AMN1: variants seen among roughly 807,000 people sequenced by gnomAD.
The protein encoded by AMN1 is protein AMN1 homolog.
In AMN1, 20 loss-of-function variants were observed where a neutral mutation model predicts 33.0. The observed-to-expected ratio is 0.61, with a 90% confidence interval of 0.43 to 0.88. AMN1 has a LOEUF of 0.88. AMN1 is among the 40% of genes least tolerant of loss of function. AMN1 has a pLI of 0.00. For synonymous variants in AMN1, 114 were observed against 111.9 expected (o/e 1.02, Z -0.12); for missense variants, 246 against 307.4 (o/e 0.80, Z 1.49).
intron 6 of AMN1, among the ~76,000 whole-genome samples, chr12:31,688,651 T>TA (rs1938371503): frequency 1.3e-5 from 2 of 151,902 alleles, no homozygotes; most frequent in South Asian, 4.2e-4. Flanking sequence ...CTGCTAAAAA[T>TA]ACAAAAAAAA....
At position 31,728,957 on chromosome 12, in the gene AMN1, C is replaced by T; in HGVS notation, c.38+14G>A. 1 of 1,543,968 alleles carries T rather than the reference C, an allele frequency of 6.5e-7. No homozygotes were observed. The highest frequency in any genetic ancestry group is 8.8e-7 in the Non-Finnish European group (1 of 1,142,114). On this transcript the variant is annotated intron_variant, in intron 1 of 6. Coordinates refer to ENST00000281471, the MANE Select transcript of AMN1 (RefSeq NM_001113402.2). ...TGGGGCGGCGCGAAGGGAGGCGGGACAGGGTAGACTCACAGATCCAGGAGC... is the reference window on the plus strand; with the variant it reads ...TGGGGCGGCGCGAAGGGAGGCGGGATAGGGTAGACTCACAGATCCAGGAGC...
chr12:31,692,784 C>T (rs1022346685), intron 5 of AMN1, among the ~76,000 whole-genome samples: 5 of 151,970 alleles, frequency 3.3e-5, no homozygotes, highest in African/African-American at 1.2e-4. Flanking sequence ...GGATCTAGAA[C>T]AGTAAATGCT....
At chr12:31,689,530 A>G (rs1565767109) in intron 5 of AMN1, among the ~76,000 whole-genome samples, 1 of 152,228 alleles carries the variant, frequency 6.6e-6, no homozygotes, top group African/African-American at 2.4e-5. Flanking sequence ...ATCTACTTGT[A>G]TTAATAGACA....
chr12:31,710,695 C>T (rs906216615), intron 1 of AMN1, among the ~76,000 whole-genome samples: 2 of 152,112 alleles, frequency 1.3e-5, no homozygotes, highest in African/African-American at 4.8e-5. Context: ...CCCTTCAAGG[C>T]ATCCGACACA....
chr12:31,697,964 GA>G lies in AMN1; in HGVS notation c.317-8del, dbSNP rs778216315. 6.2e-7 allele frequency: 1 copy of G among 1,612,764 alleles called. No individual in the cohort carries two copies. Among genetic ancestry groups the G allele is most frequent in the South Asian group, 1.1e-5 (1 of 91,050 alleles). On this transcript the variant is annotated splice_polypyrimidine_tract_variant and splice_region_variant and intron_variant, in intron 3 of 6. Coordinates refer to ENST00000281471, the MANE Select transcript of AMN1 (RefSeq NM_001113402.2). ...GAAGCCACAGCTTTTATTCCTGGGG[GA>G]AAATATAATTATATATCAATGAGCT...
intron 6 of AMN1, among the ~76,000 whole-genome samples, chr12:31,674,716 A>G (rs1489346788): frequency 1.3e-5 from 2 of 151,994 alleles, no homozygotes; most frequent in Non-Finnish European, 2.9e-5. Context: ...GATCATCTCA[A>G]TAGACAAAGA....
chr12:31,719,317 C>T, intron 1 of AMN1: 1 of 981,000 alleles, frequency 1.0e-6, no homozygotes, highest in Non-Finnish European at 1.2e-6. Context: ...AGTGACCTCC[C>T]AATTTCTTTT....
chr12:31,713,972 C>T (rs1592172722), intron 1 of AMN1, among the ~76,000 whole-genome samples: 1 of 151,940 alleles, frequency 6.6e-6, no homozygotes, highest in South Asian at 2.1e-4. Context: ...TAGTTCCTGT[C>T]CATTATTTAA....
At chr12:31,704,423 T>C (rs985935909) in intron 2 of AMN1, among the ~76,000 whole-genome samples, 3 of 152,248 alleles carry the variant, frequency 2.0e-5, no homozygotes, top group Admixed American at 2.0e-4. Context: ...GGATTCTTTA[T>C]ATTGTCAAGA....
intron 2 of AMN1, 120 bp downstream of exon 2, chr12:31,709,173 T>TAAA: frequency 4.8e-5 from 45 of 930,560 alleles, no homozygotes; most frequent in Non-Finnish European, 6.0e-5. Context: ...TGACCCTGTA[T>TAAA]AAAAAAAAAA....
chr12:31,689,300 G>A (rs952405281), intron 5 of AMN1, among the ~76,000 whole-genome samples, 182 bp from the exon 6 acceptor site: 7 of 152,146 alleles, frequency 4.6e-5, no homozygotes, highest in Admixed American at 1.3e-4. Flanking sequence ...AAAGTTAAAT[G>A]CCCAACCATT....
chr12:31,702,066 T>C lies in AMN1; in HGVS notation c.172-59A>G, dbSNP rs969872125. The C allele has an allele frequency of 5.7e-6, 8 of 1,402,806 alleles. No individual in the cohort carries two copies. The East Asian group carries it at 1.8e-4, about 31-fold the overall frequency. 86.9% of individuals were successfully genotyped at this position (1,402,806 alleles called of 1,614,324 possible). ...TCTTTCTATAAATACAAATATTTATTCCATATTCAGTGTTTTGGTGGTCAT... is the reference window on the plus strand; with the variant it reads ...TCTTTCTATAAATACAAATATTTATCCCATATTCAGTGTTTTGGTGGTCAT... On this transcript the variant is annotated intron_variant, in intron 2 of 6. Coordinates refer to ENST00000281471, the MANE Select transcript of AMN1 (RefSeq NM_001113402.2).
At chr12:31,728,179 G>C (rs991817838) in intron 1 of AMN1, among the ~76,000 whole-genome samples, 1 of 152,142 alleles carries the variant, frequency 6.6e-6, no homozygotes, top group African/African-American at 2.4e-5. Flanking sequence ...AGATTAAGGA[G>C]ATTGTTCTCC....
chr12:31,681,752 T>C (rs1036722332), intron 6 of AMN1, among the ~76,000 whole-genome samples: 5 of 152,192 alleles, frequency 3.3e-5, no homozygotes, highest in African/African-American at 7.2e-5. Flanking sequence ...TTGTGCAGGC[T>C]GATTTCAAAC....
intron 6 of AMN1, among the ~76,000 whole-genome samples, chr12:31,681,656 T>A (rs1938021565): frequency 6.6e-6 from 1 of 152,196 alleles, no homozygotes; most frequent in Non-Finnish European, 1.5e-5. Context: ...GTGGATGGGA[T>A]CAGCGTTCGT....
intron 1 of AMN1, among the ~76,000 whole-genome samples, chr12:31,711,092 T>C (rs781419374): frequency 3.9e-5 from 6 of 152,170 alleles, no homozygotes; most frequent in Non-Finnish European, 4.4e-5. Flanking sequence ...GTATTTTTAA[T>C]AGAGATGGGG....
intron 1 of AMN1, chr12:31,714,815 A>G (rs1422079121): frequency 1.6e-6 from 1 of 630,792 alleles, no homozygotes; most frequent in Non-Finnish European, 2.0e-6. Flanking sequence ...TATGCTGGTT[A>G]TTTCCATTGA....
chr12:31,671,444 T>A lies in AMN1; in HGVS notation c.*860A>T, dbSNP rs927269180. On this transcript the variant is annotated 3_prime_UTR_variant, in exon 7 of 7. Transcript: ENST00000281471. ...AGACTGGCTCATGGCAAAATGAATA[T>A]GCTAAATTTGGGGGTTGGTTTAAGC... 1 of 152,038 alleles carries A rather than the reference T, an allele frequency of 6.6e-6. No individual in the cohort carries two copies. Among genetic ancestry groups the A allele is most frequent in the African/African-American group, 2.4e-5 (1 of 41,318 alleles). 9.4% of individuals were successfully genotyped at this position (152,038 alleles called of 1,614,324 possible). A position where few individuals can be genotyped will look rare whatever the true frequency, so the allele number is the denominator to read the frequency against.
rs1938319655 is a variant in AMN1 at position 31,687,609 on chromosome 12, G to T, written c.703+1398C>A. 6.6e-6 allele frequency among the ~76,000 whole-genome samples: 1 copy of T among 151,862 alleles called. No individual in the cohort carries two copies. Among genetic ancestry groups the T allele is most frequent in the South Asian group, 2.1e-4 (1 of 4,814 alleles). On this transcript the variant is annotated intron_variant, in intron 6 of 6. Transcript: ENST00000281471. The surrounding 1 kb of genome is among the most constrained non-coding windows in gnomAD (Gnocchi z 4.1). ...GAGGCAGGAGAATCACTTGAACCTG[G>T]AAGGCAGAGGTTGCAGTGAGCCAAG...
Sources: allele counts gnomAD v4.1 joint callset (sites outside exome capture counted in the v4.1 genomes callset), GRCh38; gene constraint gnomAD v4.1.1; non-coding constraint Gnocchi (gnomAD v3.1); transcripts MANE v1.5; gene names NCBI Gene and HGNC (gene_info 2026-07-23, HGNC 2026-07-21).